FRMD6: variants seen among roughly 807,000 people sequenced by gnomAD.
FRMD6 encodes FERM domain-containing protein 6.
Under a neutral mutation model 73.2 loss-of-function variants are expected in FRMD6, and 37 were observed. The observed-to-expected ratio is 0.51, with a 90% CI of 0.39 to 0.66. The LOEUF (loss-of-function observed/expected upper bound fraction) is 0.66, where lower values mean the gene tolerates loss of function less well. FRMD6 is among the 30% of genes least tolerant of loss of function. The pLI, the probability that FRMD6 is intolerant of heterozygous loss-of-function variation, is 0.00. For missense variants in FRMD6, 714 were observed against 780.5 expected (o/e 0.91, Z 1.02); for synonymous variants, 273 against 282.2 (o/e 0.97, Z 0.33).
chr14:51,677,671 ATCT>A (rs1466540233), intron 1 of FRMD6, among the ~76,000 whole-genome samples: 1 of 152,182 alleles, frequency 6.6e-6, no homozygotes, highest in Non-Finnish European at 1.5e-5. Context: ...CCTATCTAAC[ATCT>A]TCTCTTATCC....
intron 1 of FRMD6, among the ~76,000 whole-genome samples, chr14:51,509,767 C>T (rs1884188945): frequency 1.3e-5 from 2 of 151,904 alleles, no homozygotes; most frequent in Admixed American, 1.3e-4. Flanking sequence ...GCTGGGATTA[C>T]AGGCACCTGC....
chr14:51,698,711 T>G (rs1447655471), intron 3 of FRMD6, among the ~76,000 whole-genome samples: 4 of 152,034 alleles, frequency 2.6e-5, no homozygotes, highest in African/African-American at 9.7e-5. Flanking sequence ...CTCGTACCCC[T>G]TCTCTTTTTT....
chr14:51,450,580 T>C, the FRMD6 span, among the ~76,000 whole-genome samples: 1 of 152,210 alleles, frequency 6.6e-6, no homozygotes, highest in Non-Finnish European at 1.5e-5. Context: ...ACAGGTGCTC[T>C]CTCATGAGGT....
chr14:51,451,274 TG>T, the FRMD6 span, among the ~76,000 whole-genome samples: 1 of 152,246 alleles, frequency 6.6e-6, no homozygotes, highest in South Asian at 2.1e-4. Flanking sequence ...TCCTCAATGT[TG>T]GAGGTGAGGC....
At chr14:51,580,176 T>C (rs1200757247) in intron 2 of FRMD6, among the ~76,000 whole-genome samples, 1 of 151,616 alleles carries the variant, frequency 6.6e-6, no homozygotes, top group East Asian at 1.9e-4. Context: ...AACCCATAGG[T>C]GGGGATTATC....
intron 2 of FRMD6, among the ~76,000 whole-genome samples, chr14:51,646,208 C>T (rs1337448073): frequency 1.3e-5 from 2 of 150,518 alleles, no homozygotes; most frequent in African/African-American, 4.9e-5. Flanking sequence ...GTCTCGGCTA[C>T]TCGGGAGGCT....
At chr14:51,416,449 G>T in the FRMD6 span, among the ~76,000 whole-genome samples, 3 of 152,230 alleles carry the variant, frequency 2.0e-5, no homozygotes, top group Admixed American at 6.5e-5. Flanking sequence ...CAGTTTCCAT[G>T]TAGTTGTGCG....
intron 1 of FRMD6, among the ~76,000 whole-genome samples, chr14:51,508,421 C>T (rs575712303): frequency 4.6e-4 from 70 of 152,340 alleles, no homozygotes; most frequent in South Asian, 6.2e-4. Context: ...CTGCTAATCA[C>T]GTTATTTACA....
chr14:51,441,819 A>G, the FRMD6 span, among the ~76,000 whole-genome samples: 1 of 152,274 alleles, frequency 6.6e-6, no homozygotes, highest in Admixed American at 6.5e-5. Context: ...TGGGAATAAT[A>G]TAATGATGCA....
At chr14:51,540,065 A>G (rs1014719143) in intron 1 of FRMD6, among the ~76,000 whole-genome samples, 3 of 152,186 alleles carry the variant, frequency 2.0e-5, no homozygotes, top group African/African-American at 7.2e-5. Flanking sequence ...TGCTTTATAA[A>G]TATCAGTGGC....
At chr14:51,492,928 C>A (rs1250880489) in intron 1 of FRMD6, among the ~76,000 whole-genome samples, 1 of 152,268 alleles carries the variant, frequency 6.6e-6, no homozygotes, top group East Asian at 1.9e-4. Flanking sequence ...TCCACCATGG[C>A]GCCTGGATTA....
At chr14:51,434,835 G>A in the FRMD6 span, among the ~76,000 whole-genome samples, 9 of 152,286 alleles carry the variant, frequency 5.9e-5, no homozygotes, top group African/African-American at 2.2e-4. Context: ...CTAATATTGT[G>A]TATTTCTTGA....
the FRMD6 span, among the ~76,000 whole-genome samples, chr14:51,476,863 T>C: frequency 1.3e-5 from 2 of 152,094 alleles, no homozygotes; most frequent in Non-Finnish European, 2.9e-5. Flanking sequence ...AGGGCAAATA[T>C]ACCAAAACTA....
chr14:51,402,504 A>G, the FRMD6 span, among the ~76,000 whole-genome samples: 1 of 152,196 alleles, frequency 6.6e-6, no homozygotes, highest in Non-Finnish European at 1.5e-5. Flanking sequence ...GCCTGCTGCC[A>G]TCCACGTAAG....
chr14:51,725,190 GC>G (rs966771944), intron 12 of FRMD6, among the ~76,000 whole-genome samples: 4 of 152,162 alleles, frequency 2.6e-5, no homozygotes, highest in African/African-American at 9.7e-5. Flanking sequence ...AAACTAGCAG[GC>G]AGGTGCTGTT....
At chr14:51,412,452 G>T in the FRMD6 span, among the ~76,000 whole-genome samples, 1 of 151,926 alleles carries the variant, frequency 6.6e-6, no homozygotes, top group Non-Finnish European at 1.5e-5. Context: ...AAAGAGGAAA[G>T]GGTGGGATAT....
chr14:51,496,320 A>G (rs1369386831), intron 1 of FRMD6, among the ~76,000 whole-genome samples: 1 of 152,228 alleles, frequency 6.6e-6, no homozygotes, highest in Non-Finnish European at 1.5e-5. Flanking sequence ...ACCCCAAAAT[A>G]TAGTGGCTGA....
In FRMD6 at chr14:51,645,293, T is replaced by C. The variant is rs192533669; in HGVS notation, c.-146-44398T>C. Among the ~76,000 whole-genome samples the C allele has an allele frequency of 3.9e-5, 6 of 152,270 alleles. No individual in the cohort carries two copies. The East Asian group carries it at 1.2e-3, about 29-fold the overall frequency. ...ACTGTCTTCCTTTCATCCAACCAGT[T>C]AGTATAGCTAGCACATCAGCATCTT... is the stretch of plus-strand genomic sequence containing the variant. On this transcript the variant is annotated intron_variant, in intron 2 of 14. Coordinates refer to the FRMD6 transcript ENST00000356218.
At chr14:51,561,500 A>G (rs1238355150) in intron 1 of FRMD6, among the ~76,000 whole-genome samples, 2 of 152,216 alleles carry the variant, frequency 1.3e-5, no homozygotes, top group African/African-American at 4.8e-5. Flanking sequence ...TCTCTAGACA[A>G]CAGAGGCTGA....
Sources: gnomAD v4.1 joint callset for allele counts (sites outside exome capture counted in the v4.1 genomes callset) on GRCh38, gnomAD v4.1.1 for gene constraint, MANE v1.5 for transcripts, NCBI Gene and HGNC (gene_info 2026-07-23, HGNC 2026-07-21) for gene names.